Variants in TENM1 observed in about 807,000 individuals in gnomAD.
TENM1 encodes the protein teneurin-1.
TENM1 carries 35 observed loss-of-function variants against 174.8 expected under a neutral mutation model. The ratio of observed to expected loss-of-function variants is 0.20; its 90% confidence interval spans 0.15 to 0.27. The LOEUF (loss-of-function observed/expected upper bound fraction) is 0.27. TENM1 is among the 10% of genes least tolerant of loss of function. The pLI, the probability that TENM1 is intolerant of heterozygous loss-of-function variation, is 1.00. For missense variants in TENM1, 1,633 were observed against 2,130.1 expected (o/e 0.77, Z 4.59); for synonymous variants, 781 against 798.7 (o/e 0.98, Z 0.37).
chrX:124,586,058 CAA>C (rs1361993371), intron 11 of TENM1, among the ~76,000 whole-genome samples: 1 of 109,588 alleles, frequency 9.1e-6, no homozygotes, highest in Non-Finnish European at 1.9e-5. Context: ...GCTTACCAAC[CAA>C]AAAGAGTCCA....
intron 21 of TENM1, among the ~76,000 whole-genome samples, chrX:124,486,319 G>C (rs1368747461): frequency 8.9e-6 from 1 of 112,344 alleles, no homozygotes; most frequent in Non-Finnish European, 1.9e-5. Flanking sequence ...ATTCATACTA[G>C]TTAAAAATCA....
At chrX:124,451,852 A>G (rs1417245293) in intron 23 of TENM1, among the ~76,000 whole-genome samples, 5 of 111,881 alleles carry the variant, frequency 4.5e-5, no homozygotes, top group African/African-American at 1.6e-4. Context: ...CCTTCCTTAC[A>G]CCTTATACAA....
chrX:125,176,039 T>C, the TENM1 span, among the ~76,000 whole-genome samples: 3 of 111,812 alleles, frequency 2.7e-5, no homozygotes, highest in African/African-American at 9.7e-5. Context: ...TGCAGCTTGG[T>C]TATTTCATAG....
chrX:125,002,263 C>G, the TENM1 span, among the ~76,000 whole-genome samples: 2 of 111,471 alleles, frequency 1.8e-5, no homozygotes, highest in Non-Finnish European at 3.8e-5. Context: ...CTATAGCACC[C>G]TGGTCTTTCG....
At chrX:124,796,588 G>A (rs887895638) in intron 3 of TENM1, among the ~76,000 whole-genome samples, 1 of 111,544 alleles carries the variant, frequency 9.0e-6, no homozygotes, top group South Asian at 3.7e-4. Context: ...CCTTGAGTAC[G>A]ACTATCTTGG....
At chrX:124,604,754 A>T (rs1318556270) in intron 11 of TENM1, among the ~76,000 whole-genome samples, 2 of 111,072 alleles carry the variant, frequency 1.8e-5, no homozygotes, top group Non-Finnish European at 3.8e-5. Context: ...TAATCCTGAT[A>T]CATAGAAATG....
At chrX:125,050,610 T>A in the TENM1 span, among the ~76,000 whole-genome samples, 3 of 111,772 alleles carry the variant, frequency 2.7e-5, no homozygotes, top group Non-Finnish European at 5.6e-5. Context: ...TGAATAGTGC[T>A]GCAATAAACA....
chrX:124,409,868 G>A (rs1162158381), intron 25 of TENM1, among the ~76,000 whole-genome samples: 40 of 110,505 alleles, frequency 3.6e-4, no homozygotes, highest in Admixed American at 2.4e-3. Flanking sequence ...TGAAATAAAA[G>A]AGGATACAAA....
At chrX:125,052,633 GA>G in the TENM1 span, among the ~76,000 whole-genome samples, 1 of 111,357 alleles carries the variant, frequency 9.0e-6, no homozygotes, top group Non-Finnish European at 1.9e-5. Flanking sequence ...AGAGTAATGT[GA>G]AAAGGGTATT....
Position 124,520,828 on chromosome X carries a change from G to C in TENM1, c.3034-44C>G, listed in dbSNP as rs761199577. 18 of 1,089,280 alleles carry C rather than the reference G, an allele frequency of 1.7e-5. No individual in the cohort carries two copies. In the African/African-American group the frequency reaches 3.4e-4, roughly 21 times the overall value. The allele number at this position is 1,089,280 out of a possible 1,213,427, so 89.8% of individuals were successfully genotyped here. On this transcript the variant is annotated intron_variant, in intron 17 of 31. Transcript: ENST00000422452. Reference sequence around the variant, plus strand: ...AAAAAAGCCAAATAGGCTCTTGTCAGTGGTCGCAGGTAGATGAGGATATTG... The same window carrying C: ...AAAAAAGCCAAATAGGCTCTTGTCACTGGTCGCAGGTAGATGAGGATATTG...
At chrX:124,550,601 A>T (rs1206437167) in intron 14 of TENM1, among the ~76,000 whole-genome samples, 2 of 109 alleles carry the variant, frequency 0.018, no homozygotes, top group African/African-American at 0.032. Context: ...ATGCATGCAA[A>T]TCACACATTC....
chrX:125,088,825 C>T, the TENM1 span, among the ~76,000 whole-genome samples: 130 of 111,105 alleles, frequency 1.2e-3, no homozygotes, highest in African/African-American at 3.7e-3. Flanking sequence ...AAAAATTGCA[C>T]GTGTTCCCCT....
chrX:125,105,833 G>C, the TENM1 span, among the ~76,000 whole-genome samples: 1 of 111,910 alleles, frequency 8.9e-6, no homozygotes, highest in African/African-American at 3.3e-5. Flanking sequence ...TCAGAAGCCA[G>C]AGTGATAAAC....
At position 124,756,198 on chromosome X, in the gene TENM1, T is replaced by C. The variant is rs745713805; in HGVS notation, c.536-19001A>G. Among the ~76,000 whole-genome samples, 414 of 102,813 alleles carry C rather than the reference T, an allele frequency of 4.0e-3. 12 individuals are homozygous for C. Among genetic ancestry groups the C allele is most frequent in the African/African-American group, 0.016 (389 of 24,710 alleles). The allele number at this position is 102,813 out of a possible 115,157, so 89.3% of individuals were successfully genotyped here. On this transcript the variant is annotated intron_variant, in intron 3 of 31. Transcript: ENST00000422452. The stretch of plus-strand genomic sequence containing the variant: ...AGGCTTTGTTCGTTTCTTTTTATTT[T>C]TTTTTTCTCTAAACTTCCCTTCTCG...
At chrX:125,000,479 G>A in the TENM1 span, among the ~76,000 whole-genome samples, 4 of 111,521 alleles carry the variant, frequency 3.6e-5, no homozygotes, top group African/African-American at 1.3e-4. Context: ...TATATTTCCA[G>A]AATTCCTTTA....
At chrX:124,450,594 T>G (rs960990633) in intron 23 of TENM1, among the ~76,000 whole-genome samples, 15 of 111,683 alleles carry the variant, frequency 1.3e-4, no homozygotes, top group African/African-American at 4.6e-4. Context: ...TTTTCTAGGT[T>G]TTAGGTGGTA....
chrX:125,037,944 A>T, the TENM1 span, among the ~76,000 whole-genome samples: 20 of 111,342 alleles, frequency 1.8e-4, no homozygotes, highest in African/African-American at 6.2e-4. Context: ...TCTGTTTCAC[A>T]TCTGCATATG....
At chrX:124,763,481 A>AGC (rs944153357) in intron 3 of TENM1, among the ~76,000 whole-genome samples, 8 of 110,802 alleles carry the variant, frequency 7.2e-5, no homozygotes, top group Non-Finnish European at 1.1e-4. Flanking sequence ...TTCTCTCAAA[A>AGC]GCGCACACAC....
At chrX:124,637,395 C>G (rs1400167573) in intron 11 of TENM1, among the ~76,000 whole-genome samples, 5 of 111,049 alleles carry the variant, frequency 4.5e-5, no homozygotes. Flanking sequence ...GCCCCAAGTG[C>G]TATTTTCTAA....
Sources: allele counts gnomAD v4.1 joint callset (sites outside exome capture counted in the v4.1 genomes callset), GRCh38; gene constraint gnomAD v4.1.1; transcripts MANE v1.5; gene names NCBI Gene and HGNC (gene_info 2026-07-23, HGNC 2026-07-21).